ALMS1: variants seen among roughly 807,000 people sequenced by gnomAD.
The protein encoded by ALMS1 is ALMS1 centrosome and basal body associated protein.
Under a neutral mutation model 352.2 loss-of-function variants are expected in ALMS1, and 271 were observed. The observed-to-expected ratio is 0.77, with a 90% CI of 0.70 to 0.85. The LOEUF (loss-of-function observed/expected upper bound fraction) is 0.85, where lower values mean the gene tolerates loss of function less well. ALMS1 is among the 40% of genes least tolerant of loss of function. ALMS1 has a pLI of 0.00. For missense variants in ALMS1, 5,445 were observed against 4,870.7 expected (o/e 1.12, Z -3.51); for synonymous variants, 1,865 against 1,761.2 (o/e 1.06, Z -1.48).
intron 18 of ALMS1, 57 bp from the exon 19 acceptor site, chr2:73,601,138 G>A (rs747079252): frequency 6.2e-7 from 1 of 1,611,810 alleles, no homozygotes; most frequent in East Asian, 2.2e-5. Context: ...ATAAGAGCTG[G>A]GTGGGGCTGT....
intron 9 of ALMS1, among the ~76,000 whole-genome samples, chr2:73,476,323 C>T (rs1288350163): frequency 6.6e-6 from 1 of 152,058 alleles, no homozygotes. Context: ...GTTGCTTCTG[C>T]CATTTGGCTA....
intron 12 of ALMS1, among the ~76,000 whole-genome samples, chr2:73,541,428 C>T (rs981022644): frequency 7.2e-5 from 11 of 152,076 alleles, no homozygotes; most frequent in African/African-American, 1.7e-4. Context: ...CAGGAAAGAT[C>T]GAAAATTGAC....
chr2:73,459,112 C>G (rs1672133154), intron 9 of ALMS1: 1 of 151,848 alleles, frequency 6.6e-6, no homozygotes, highest in Admixed American at 6.6e-5. Context: ...TTCTTTCTTT[C>G]ATGACTGACA....
At chr2:73,582,837 G>A (rs893236702) in intron 16 of ALMS1, among the ~76,000 whole-genome samples, 3 of 152,138 alleles carry the variant, frequency 2.0e-5, no homozygotes, top group Non-Finnish European at 4.4e-5. Flanking sequence ...CTGTGAACAT[G>A]GGTATGTAAC....
intron 7 of ALMS1, among the ~76,000 whole-genome samples, chr2:73,444,223 C>T (rs1671766968): frequency 6.6e-6 from 1 of 152,118 alleles, no homozygotes; most frequent in Non-Finnish European, 1.5e-5. Flanking sequence ...GATGAGGAGC[C>T]TGGAAGCAAG....
intron 2 of ALMS1, among the ~76,000 whole-genome samples, chr2:73,417,050 G>A (rs1671193967): frequency 6.6e-6 from 1 of 152,106 alleles, no homozygotes; most frequent in Non-Finnish European, 1.5e-5. Context: ...CTGAGATTGT[G>A]CCACTGTATT....
intron 10 of ALMS1, among the ~76,000 whole-genome samples, chr2:73,501,697 T>C (rs191340268): frequency 6.9e-4 from 105 of 152,254 alleles, no homozygotes; most frequent in African/African-American, 2.4e-3. Flanking sequence ...TTACTGTAGC[T>C]TTATAGTAAG....
intron 7 of ALMS1, among the ~76,000 whole-genome samples, chr2:73,433,499 T>A (rs1159349825): frequency 6.6e-6 from 1 of 152,134 alleles, no homozygotes; most frequent in Non-Finnish European, 1.5e-5. Flanking sequence ...TTTGGTCAGA[T>A]TGAATAAGTA....
chr2:73,419,407 G>A (rs1203802987), intron 3 of ALMS1, 89 bp downstream of exon 3: 2 of 1,291,380 alleles, frequency 1.5e-6, no homozygotes, highest in African/African-American at 1.5e-5. Flanking sequence ...CCCTTTTTGA[G>A]TTAAGGAGCT....
At chr2:73,576,170 A>G (rs577113254) in intron 16 of ALMS1, among the ~76,000 whole-genome samples, 61 of 152,266 alleles carry the variant, frequency 4.0e-4, no homozygotes, top group African/African-American at 1.2e-3. Context: ...CTGTTAGTCT[A>G]TATATCTCTC....
chr2:73,473,274 CT>C (rs1256819335), intron 9 of ALMS1, among the ~76,000 whole-genome samples: 2 of 151,906 alleles, frequency 1.3e-5, no homozygotes, highest in East Asian at 3.9e-4. Context: ...TTCCTATTAC[CT>C]TTTTTCTTTC....
chr2:73,608,648 C>T, intron 22 of ALMS1, 74 bp downstream of exon 22: 1 of 1,203,702 alleles, frequency 8.3e-7, no homozygotes, highest in Non-Finnish European at 1.2e-6. Context: ...AAACACGTTG[C>T]CTGTTGAGTG....
chr2:73,399,223 ACCTTTTATTT>A (rs1285675302), intron 1 of ALMS1, among the ~76,000 whole-genome samples: 1 of 152,094 alleles, frequency 6.6e-6, no homozygotes, highest in Non-Finnish European at 1.5e-5. Context: ...CAGACTGTGT[ACCTTTTATTT>A]CCTTTTCTTG....
At chr2:73,475,404 C>G (rs1352526263) in intron 9 of ALMS1, among the ~76,000 whole-genome samples, 1 of 151,982 alleles carries the variant, frequency 6.6e-6, no homozygotes, top group Non-Finnish European at 1.5e-5. Context: ...CATTTTCTGT[C>G]TTTTTGATTA....
intron 16 of ALMS1, among the ~76,000 whole-genome samples, chr2:73,594,348 C>T (rs1182403842): frequency 6.6e-6 from 1 of 152,192 alleles, no homozygotes; most frequent in Non-Finnish European, 1.5e-5. Context: ...TTTTTATAGG[C>T]AAGCATTACT....
Position 73,385,916 on chromosome 2 carries a change from GGAGGAGGAGGAGGAGGAGGAGGAGGAA to G in ALMS1, c.59_85del (p.Glu20_Glu28del). On this transcript the variant is annotated inframe_deletion, in exon 1 of 23. Coordinates refer to ENST00000613296, the MANE Select transcript of ALMS1 (RefSeq NM_001378454.1). The stretch of plus-strand genomic sequence containing the variant: ...GGCCGGGCGAGCTGGAGGAGGAGGA[GGAGGAGGAGGAGGAGGAGGAGGAGGAA>G]GAGGAGGAGGCTGCAGCGGCGGCGG... 1.2e-6 allele frequency: 1 copy of G among 869,356 alleles called. No homozygotes were observed. The allele number at this position is 869,356 out of a possible 1,614,324, so 53.9% of individuals were successfully genotyped here.
intron 12 of ALMS1, among the ~76,000 whole-genome samples, chr2:73,538,102 AAAG>A (rs1285520772): frequency 1.6e-4 from 24 of 152,328 alleles, no homozygotes; most frequent in African/African-American, 4.8e-4. Flanking sequence ...AACCCAGTCA[AAAG>A]AATGAAAAGG....
Position 73,467,718 on chromosome 2 carries a change from A to G in ALMS1, c.7674+12423A>G, listed in dbSNP as rs755143934. Reference sequence around the variant, plus strand: ...TATCAAGAGTAGAATAGATGAATCAATTATGCTTTATTCATCCAGTGAAAT... The same window carrying G: ...TATCAAGAGTAGAATAGATGAATCAGTTATGCTTTATTCATCCAGTGAAAT... On this transcript the variant is annotated intron_variant, in intron 9 of 22. Transcript: ENST00000613296. 2.6e-4 allele frequency among the ~76,000 whole-genome samples: 39 copies of G among 152,084 alleles called. 1 individual carries two copies. The highest frequency in any genetic ancestry group is 4.3e-4 in the Non-Finnish European group (29 of 67,972).
At chr2:73,455,367 G>C (rs1286606517) in intron 9 of ALMS1, 72 bp downstream of exon 9, 22 of 1,588,382 alleles carry the variant, frequency 1.4e-5, no homozygotes, top group Middle Eastern at 1.7e-4. Flanking sequence ...TCTCTTACTT[G>C]GGCATCAGTT....
Sources: allele counts gnomAD v4.1 joint callset (sites outside exome capture counted in the v4.1 genomes callset), GRCh38; gene constraint gnomAD v4.1.1; transcripts MANE v1.5; gene names NCBI Gene and HGNC (gene_info 2026-07-23, HGNC 2026-07-21).